RABGAP1L: variants seen among roughly 807,000 people sequenced by gnomAD.
The protein encoded by RABGAP1L is rab GTPase-activating protein 1-like.
A neutral mutation model predicts 137.7 loss-of-function variants in RABGAP1L; 63 were observed. The ratio of observed to expected loss-of-function variants is 0.46; its 90% CI spans 0.37 to 0.56. The LOEUF (loss-of-function observed/expected upper bound fraction) is 0.56. RABGAP1L is among the 20% of genes least tolerant of loss of function. The probability of loss-of-function intolerance (pLI) is 0.00; values close to 1 mark genes in which losing one functional copy is unlikely to be tolerated. For missense variants in RABGAP1L, 1,095 were observed against 1,244.0 expected (o/e 0.88, Z 1.80); for synonymous variants, 431 against 433.7 (o/e 0.99, Z 0.08).
intron 19 of RABGAP1L, among the ~76,000 whole-genome samples, chr1:174,868,903 G>T (rs1179842256): frequency 6.6e-6 from 1 of 151,828 alleles, no homozygotes; most frequent in Non-Finnish European, 1.5e-5. Flanking sequence ...ATAAATCAGT[G>T]TCCAGAAAGA....
intron 3 of RABGAP1L, among the ~76,000 whole-genome samples, chr1:174,228,771 A>G (rs1276049099): frequency 6.6e-6 from 1 of 152,294 alleles, no homozygotes; most frequent in Non-Finnish European, 1.5e-5. Context: ...ATTTATTAAA[A>G]TCCTATCCTA....
intron 13 of RABGAP1L, among the ~76,000 whole-genome samples, chr1:174,596,520 C>G (rs1669939673): frequency 6.6e-6 from 1 of 152,070 alleles, no homozygotes; most frequent in South Asian, 2.1e-4. Flanking sequence ...TCAGATTGTT[C>G]ATTGTTGGCA....
chr1:174,643,223 C>A (rs114900778), intron 14 of RABGAP1L, among the ~76,000 whole-genome samples: 3,211 of 152,188 alleles, frequency 0.021, 53 homozygotes, highest in Middle Eastern at 0.085. Flanking sequence ...GTTCCTGGAT[C>A]AGATGGATCC....
At chr1:174,194,316 C>T (rs1667418673) in intron 1 of RABGAP1L, among the ~76,000 whole-genome samples, 1 of 150,086 alleles carries the variant, frequency 6.7e-6, no homozygotes, top group Admixed American at 6.7e-5. Context: ...GTCACTGAAA[C>T]CTCTGCCTCC....
chr1:174,442,149 G>A (rs1382729081), intron 13 of RABGAP1L, among the ~76,000 whole-genome samples: 1 of 151,842 alleles, frequency 6.6e-6, no homozygotes, highest in Non-Finnish European at 1.5e-5. Flanking sequence ...GTAAAGCTTA[G>A]CATTTAACTT....
intron 14 of RABGAP1L, among the ~76,000 whole-genome samples, chr1:174,681,216 G>C (rs1678040636): frequency 6.6e-6 from 1 of 152,116 alleles, no homozygotes; most frequent in African/African-American, 2.4e-5. Flanking sequence ...CCATTCCTAG[G>C]TATTTATTCA....
chr1:174,603,190 C>T (rs1407290371), intron 13 of RABGAP1L, among the ~76,000 whole-genome samples: 1 of 152,182 alleles, frequency 6.6e-6, no homozygotes, highest in Non-Finnish European at 1.5e-5. Context: ...ACCAGTAACA[C>T]TATGACTCTT....
intron 1 of RABGAP1L, among the ~76,000 whole-genome samples, chr1:174,189,490 G>A (rs184807800): frequency 5.3e-5 from 8 of 152,192 alleles, no homozygotes; most frequent in South Asian, 2.1e-4. Flanking sequence ...TTTAAACCTC[G>A]CTTATCGTTT....
intron 19 of RABGAP1L, among the ~76,000 whole-genome samples, chr1:174,866,075 G>A (rs1323952808): frequency 6.9e-6 from 1 of 145,538 alleles, no homozygotes; most frequent in African/African-American, 2.5e-5. Flanking sequence ...ATCTTTGAGA[G>A]AGAGTGAAGG....
chr1:174,620,033 A>G (rs529389870), intron 13 of RABGAP1L, among the ~76,000 whole-genome samples: 1 of 152,338 alleles, frequency 6.6e-6, no homozygotes, highest in African/African-American at 2.4e-5. Flanking sequence ...AGATCAAAAG[A>G]GACAAAGAAG....
chr1:174,926,979 A>C (rs1662943668), intron 19 of RABGAP1L, among the ~76,000 whole-genome samples: 1 of 152,042 alleles, frequency 6.6e-6, no homozygotes, highest in African/African-American at 2.4e-5. Context: ...AGGCTGAGGC[A>C]GAAGAATTGC....
In RABGAP1L at chr1:174,991,513, G is replaced by C. The variant is rs1275385707; in HGVS notation, c.*1512G>C. On this transcript the variant is annotated 3_prime_UTR_variant, in exon 26 of 26. Coordinates refer to ENST00000681986, the MANE Select transcript of RABGAP1L (RefSeq NM_001366446.1). ...AGGATGCACCAAGTTGCTCACAGTG[G>C]ATCTTTTCCTCTAAAATGATCTTTT... The C allele has an allele frequency of 6.6e-6, 1 of 152,144 alleles. No homozygotes were observed. The highest frequency in any genetic ancestry group is 6.5e-5 in the Admixed American group (1 of 15,276). The allele number at this position is 152,144 out of a possible 1,614,324, so 9.4% of individuals were successfully genotyped here. A position where few individuals can be genotyped will look rare whatever the true frequency, so the allele number is the denominator to read the frequency against.
chr1:174,672,384 G>A (rs112519723), intron 14 of RABGAP1L, among the ~76,000 whole-genome samples: 31,747 of 149,780 alleles, frequency 0.21, 3,680 homozygotes, highest in Admixed American at 0.25. Flanking sequence ...GGGTTCAAGC[G>A]ATTCTCCTGC....
At chr1:174,258,305 G>C (rs980824174) in intron 7 of RABGAP1L, among the ~76,000 whole-genome samples, 2 of 152,170 alleles carry the variant, frequency 1.3e-5, no homozygotes, top group African/African-American at 4.8e-5. Flanking sequence ...TTTTTTGTTA[G>C]ACTGGGTCTC....
chr1:174,888,086 G>T (rs973813496), intron 19 of RABGAP1L, among the ~76,000 whole-genome samples: 2 of 151,978 alleles, frequency 1.3e-5, no homozygotes, highest in Non-Finnish European at 2.9e-5. Flanking sequence ...TCAGATTTAT[G>T]ATATGGTAAT....
At chr1:174,409,947 T>C (rs1354646845) in intron 13 of RABGAP1L, among the ~76,000 whole-genome samples, 2 of 152,214 alleles carry the variant, frequency 1.3e-5, no homozygotes, top group Non-Finnish European at 2.9e-5. Context: ...TTTTGCCCTT[T>C]GCCTTGTGAT....
chr1:174,787,304 G>A (rs1426488468), intron 18 of RABGAP1L, among the ~76,000 whole-genome samples: 1 of 151,856 alleles, frequency 6.6e-6, no homozygotes, highest in East Asian at 1.9e-4. Flanking sequence ...TTGGGAGGCT[G>A]AGGCAGGAGA....
intron 4 of RABGAP1L, among the ~76,000 whole-genome samples, chr1:174,231,706 TG>T (rs1191597938): frequency 6.6e-6 from 1 of 152,060 alleles, no homozygotes; most frequent in East Asian, 1.9e-4. Flanking sequence ...CTTAAAATCA[TG>T]GCAGAAGGCA....
At chr1:174,564,433 A>G (rs1667432965) in intron 13 of RABGAP1L, among the ~76,000 whole-genome samples, 1 of 152,176 alleles carries the variant, frequency 6.6e-6, no homozygotes, top group African/African-American at 2.4e-5. Flanking sequence ...TTTAATCCTC[A>G]CAGCAACCCA....
Sources: allele counts gnomAD v4.1 joint callset (sites outside exome capture counted in the v4.1 genomes callset), GRCh38; gene constraint gnomAD v4.1.1; transcripts MANE v1.5; gene names NCBI Gene and HGNC (gene_info 2026-07-23, HGNC 2026-07-21).